The following MYRIP variants were observed in gnomAD, a reference collection of about 807,000 sequenced individuals.
The protein encoded by MYRIP is myosin VIIA and Rab interacting protein, also known as rab effector MyRIP.
MYRIP carries 49 observed loss-of-function variants against 98.0 expected under a neutral mutation model. The observed-to-expected ratio is 0.50, with a 90% CI of 0.40 to 0.63. The LOEUF is 0.63. MYRIP is among the 30% of genes least tolerant of loss of function. The pLI is 0.00. For missense variants in MYRIP, 1,004 were observed against 1,058.2 expected, an observed-to-expected ratio of 0.95 and a Z score of 0.71; for synonymous variants, 404 against 409.5, an observed-to-expected ratio of 0.99 and a Z score of 0.16.
intron 1 of MYRIP, among the ~76,000 whole-genome samples, chr3:39,878,189 C>T (rs1553641609): frequency 6.6e-6 from 1 of 152,198 alleles, no homozygotes; most frequent in Non-Finnish European, 1.5e-5. Context: ...GTTTTTTAGG[C>T]CTGTCGGAGA....
At chr3:40,145,254 C>T (rs895451565) in intron 3 of MYRIP, among the ~76,000 whole-genome samples, 2 of 152,100 alleles carry the variant, frequency 1.3e-5, no homozygotes, top group African/African-American at 4.8e-5. Flanking sequence ...TAAGATAATG[C>T]AAGGAAAACT....
intron 2 of MYRIP, among the ~76,000 whole-genome samples, chr3:40,036,866 A>C (rs951708469): frequency 2.0e-5 from 3 of 152,138 alleles, no homozygotes; most frequent in African/African-American, 7.2e-5. Context: ...CATGTAGAAC[A>C]CCAGAGGAAA....
chr3:39,995,619 AT>A (rs1946327632), intron 2 of MYRIP, among the ~76,000 whole-genome samples: 1 of 152,214 alleles, frequency 6.6e-6, no homozygotes, highest in African/African-American at 2.4e-5. Context: ...TCTGCAGGAT[AT>A]TATACAGAAG....
rs575044255 is a variant in MYRIP at position 40,161,980 on chromosome 3, G to A, written c.470-750G>A. On this transcript the variant is annotated intron_variant, in intron 4 of 16. Coordinates refer to ENST00000302541, the MANE Select transcript of MYRIP (RefSeq NM_015460.4). ...CTCACCAGAGCTGCTTTTCCTCTCTGCAGCCCTGCCACGCTGCCTCTCATT... is the reference window on the plus strand; with the variant it reads ...CTCACCAGAGCTGCTTTTCCTCTCTACAGCCCTGCCACGCTGCCTCTCATT... 2.0e-5 allele frequency among the ~76,000 whole-genome samples: 3 copies of A among 152,172 alleles called. No homozygotes were observed. In the East Asian group the frequency reaches 5.8e-4, roughly 29 times the overall value.
At chr3:40,219,441 C>G (rs1165631503) in intron 11 of MYRIP, among the ~76,000 whole-genome samples, 4 of 152,258 alleles carry the variant, frequency 2.6e-5, no homozygotes, top group Middle Eastern at 6.8e-3. Context: ...CCCATTAACT[C>G]ATCATTTAGC....
chr3:39,932,461 C>T (rs970382642), intron 2 of MYRIP, among the ~76,000 whole-genome samples: 3 of 151,960 alleles, frequency 2.0e-5, no homozygotes, highest in Admixed American at 1.3e-4. Context: ...CCCAGGTTCA[C>T]GCCATTCTCC....
Position 40,245,033 on chromosome 3 carries a change from T to G in MYRIP, c.2262+426T>G, listed in dbSNP as rs191578185. ...AGAATAGAACTATAGCTGTGTGGCT[T>G]AACATGTAACTCCAGTGCCTAGCAC... On this transcript the variant is annotated intron_variant, in intron 13 of 16. Transcript: ENST00000302541. Among the ~76,000 whole-genome samples the G allele has an allele frequency of 5.5e-4, 84 of 152,330 alleles. 1 individual carries two copies. The highest frequency in any genetic ancestry group is 2.7e-3 in the Admixed American group (41 of 15,300).
intron 2 of MYRIP, among the ~76,000 whole-genome samples, chr3:39,999,985 A>G (rs1345212237): frequency 7.1e-6 from 1 of 141,832 alleles, no homozygotes; most frequent in Non-Finnish European, 1.5e-5. Flanking sequence ...ATGAGAACAC[A>G]TGGACACAGG....
intron 4 of MYRIP, among the ~76,000 whole-genome samples, chr3:40,152,791 T>A (rs1368665431): frequency 6.6e-6 from 1 of 152,118 alleles, no homozygotes; most frequent in African/African-American, 2.4e-5. Flanking sequence ...GCACATCTTA[T>A]ATCCTCATTA....
intron 8 of MYRIP, among the ~76,000 whole-genome samples, chr3:40,180,386 G>A (rs1304942596): frequency 6.6e-6 from 1 of 152,248 alleles, no homozygotes; most frequent in African/African-American, 2.4e-5. Context: ...GGCTACAGAT[G>A]TCACTGCTAA....
intron 3 of MYRIP, among the ~76,000 whole-genome samples, chr3:40,127,049 GGGTAAACCAA>G (rs1949538657): frequency 6.6e-6 from 1 of 152,248 alleles, no homozygotes; most frequent in South Asian, 2.1e-4. Flanking sequence ...TGGCCCTAAT[GGGTAAACCAA>G]GGTCCTCCTA....
chr3:40,208,100 G>A (rs923177242), intron 10 of MYRIP, among the ~76,000 whole-genome samples: 1 of 152,012 alleles, frequency 6.6e-6, no homozygotes, highest in African/African-American at 2.4e-5. Flanking sequence ...GGAATAATTG[G>A]TGAGTAATGA....
chr3:39,922,601 G>A (rs909985419), intron 2 of MYRIP, among the ~76,000 whole-genome samples: 1 of 152,140 alleles, frequency 6.6e-6, no homozygotes, highest in Non-Finnish European at 1.5e-5. Flanking sequence ...ATCTTGTGGG[G>A]AGCTGGAATT....
chr3:40,188,551 G>C (rs1293234162), intron 9 of MYRIP, among the ~76,000 whole-genome samples: 1 of 152,176 alleles, frequency 6.6e-6, no homozygotes, highest in Admixed American at 6.5e-5. Flanking sequence ...GCTGAGGCGG[G>C]TGGATCACCT....
At chr3:40,059,689 A>C (rs1261534570) in intron 3 of MYRIP, among the ~76,000 whole-genome samples, 2 of 152,154 alleles carry the variant, frequency 1.3e-5, no homozygotes, top group Non-Finnish European at 2.9e-5. Flanking sequence ...CCATAGTGCG[A>C]AATCCTCAAG....
At chr3:40,145,287 A>G (rs564624548) in intron 3 of MYRIP, among the ~76,000 whole-genome samples, 1 of 152,234 alleles carries the variant, frequency 6.6e-6, no homozygotes, top group Non-Finnish European at 1.5e-5. Flanking sequence ...CCTCAGACAG[A>G]GTAAGCACTC....
chr3:39,999,429 C>G (rs528600661), intron 2 of MYRIP, among the ~76,000 whole-genome samples: 5 of 152,178 alleles, frequency 3.3e-5, no homozygotes, highest in East Asian at 1.9e-4. Flanking sequence ...AAAAAATGCT[C>G]ATCATCACTG....
At chr3:39,899,884 G>A (rs1046485599) in intron 1 of MYRIP, among the ~76,000 whole-genome samples, 3 of 152,114 alleles carry the variant, frequency 2.0e-5, no homozygotes, top group South Asian at 2.1e-4. Flanking sequence ...GCACTGGCGC[G>A]ATCTCAGCTC....
chr3:39,817,419 A>C (rs1940957776), intron 1 of MYRIP, among the ~76,000 whole-genome samples: 1 of 152,154 alleles, frequency 6.6e-6, no homozygotes, highest in South Asian at 2.1e-4. Flanking sequence ...TTTGCTGGGG[A>C]ATTTATTCCC....
Sources: allele counts gnomAD v4.1 joint callset (sites outside exome capture counted in the v4.1 genomes callset), GRCh38; gene constraint gnomAD v4.1.1; transcripts MANE v1.5; gene names NCBI Gene and HGNC (gene_info 2026-07-23, HGNC 2026-07-21).